KCNIP4: variants seen among roughly 807,000 people sequenced by gnomAD.
The protein encoded by KCNIP4 is potassium voltage-gated channel interacting protein 4.
Under a neutral mutation model 34.0 loss-of-function variants are expected in KCNIP4, and 12 were observed. The ratio of observed to expected loss-of-function variants is 0.35; its 90% CI spans 0.23 to 0.57. The LOEUF is 0.57. Ranked by LOEUF, KCNIP4 falls within the 20% of genes least tolerant of loss-of-function variation. The pLI is 0.83. For missense variants in KCNIP4, 238 were observed against 311.7 expected, an observed-to-expected ratio of 0.76 and a Z score of 1.78; for synonymous variants, 124 against 102.2, an observed-to-expected ratio of 1.21 and a Z score of -1.29.
intron 1 of KCNIP4, among the ~76,000 whole-genome samples, chr4:21,568,830 T>C (rs1272291268): frequency 1.3e-5 from 2 of 152,146 alleles, no homozygotes; most frequent in Non-Finnish European, 1.5e-5. Context: ...TGTGACTGTG[T>C]GAGTCAATTC....
At chr4:21,401,354 C>T (rs1315678011) in intron 1 of KCNIP4, among the ~76,000 whole-genome samples, 1 of 152,126 alleles carries the variant, frequency 6.6e-6, no homozygotes. Flanking sequence ...TAAGGAATGA[C>T]GATTTGTGAA....
intron 1 of KCNIP4, among the ~76,000 whole-genome samples, chr4:20,910,240 A>T (rs952746998): frequency 4.0e-4 from 60 of 151,262 alleles, no homozygotes; most frequent in African/African-American, 1.4e-3. Context: ...TTTTTTTTTT[A>T]AAGAGGGAAG....
At chr4:21,557,379 A>G (rs1025496799) in intron 1 of KCNIP4, among the ~76,000 whole-genome samples, 2 of 152,200 alleles carry the variant, frequency 1.3e-5, no homozygotes, top group African/African-American at 4.8e-5. Context: ...ATTGGAAAAA[A>G]ATAGAAAACT....
chr4:21,884,131 G>T (rs191841589), intron 1 of KCNIP4, among the ~76,000 whole-genome samples: 3 of 152,236 alleles, frequency 2.0e-5, no homozygotes, highest in African/African-American at 7.2e-5. Flanking sequence ...GTTGTAGGAA[G>T]ATATATTTTA....
chr4:20,860,827 A>G (rs1267817151), intron 2 of KCNIP4, among the ~76,000 whole-genome samples: 1 of 152,188 alleles, frequency 6.6e-6, no homozygotes, highest in Non-Finnish European at 1.5e-5. Flanking sequence ...GAGAACTTCT[A>G]GGATAAGGAG....
At chr4:20,825,887 A>T (rs1274442876) in intron 3 of KCNIP4, among the ~76,000 whole-genome samples, 1 of 152,222 alleles carries the variant, frequency 6.6e-6, no homozygotes, top group Non-Finnish European at 1.5e-5. Flanking sequence ...ACACCACGGA[A>T]ACCAAGGGAG....
chr4:21,136,520 GA>G (rs1187221126), intron 1 of KCNIP4, among the ~76,000 whole-genome samples: 1 of 152,198 alleles, frequency 6.6e-6, no homozygotes, highest in East Asian at 1.9e-4. Flanking sequence ...TGAATCTTGA[GA>G]AAACTGATTG....
chr4:21,650,610 C>G (rs1237994860), intron 1 of KCNIP4, among the ~76,000 whole-genome samples: 1 of 152,040 alleles, frequency 6.6e-6, no homozygotes. Flanking sequence ...GATATTAGAC[C>G]TAGTAATAAA....
intron 1 of KCNIP4, among the ~76,000 whole-genome samples, chr4:20,965,661 A>T (rs929867872): frequency 1.3e-5 from 2 of 152,218 alleles, no homozygotes; most frequent in Non-Finnish European, 2.9e-5. Context: ...CATTGGCAAG[A>T]ATAGTTCCTA....
intron 3 of KCNIP4, among the ~76,000 whole-genome samples, chr4:20,788,790 A>C (rs1351875893): frequency 6.6e-6 from 1 of 152,176 alleles, no homozygotes; most frequent in Non-Finnish European, 1.5e-5. Flanking sequence ...GTGAATTCAG[A>C]GCAAACAAAA....
intron 1 of KCNIP4, among the ~76,000 whole-genome samples, chr4:21,264,332 A>G (rs1169819781): frequency 6.6e-6 from 1 of 152,196 alleles, no homozygotes; most frequent in Non-Finnish European, 1.5e-5. Context: ...CAACATCTAG[A>G]TATGCCAAGT....
intron 5 of KCNIP4, 128 bp from the exon 6 acceptor site, chr4:20,734,863 A>G (rs958763483): frequency 7.4e-5 from 37 of 503,258 alleles, no homozygotes; most frequent in Middle Eastern, 1.0e-3. Flanking sequence ...TTGATGTGTT[A>G]TTGGTTGTCT....
intron 1 of KCNIP4, among the ~76,000 whole-genome samples, chr4:21,315,851 G>C (rs139299390): frequency 6.6e-6 from 1 of 152,056 alleles, no homozygotes; most frequent in African/African-American, 2.4e-5. Context: ...ATTTTCAGTG[G>C]TATTTTGCTG....
At chr4:21,855,437 A>G (rs766557903) in intron 1 of KCNIP4, among the ~76,000 whole-genome samples, 8 of 152,232 alleles carry the variant, frequency 5.3e-5, no homozygotes, top group Non-Finnish European at 7.3e-5. Context: ...GTACCAGCGC[A>G]TCCTCTGATT....
chr4:21,777,757 T>C (rs778110231), intron 1 of KCNIP4, among the ~76,000 whole-genome samples: 1 of 152,232 alleles, frequency 6.6e-6, no homozygotes, highest in Non-Finnish European at 1.5e-5. Context: ...ATTAAAAACA[T>C]ACAGCTTTAT....
rs1183337473 is a variant in KCNIP4, at chr4:21,202,773, T to C, written c.62-320064A>G. On this transcript the variant is annotated intron_variant, in intron 1 of 8. Transcript: ENST00000382152. The stretch of plus-strand genomic sequence containing the variant: ...CAATGGATCTCTATACCTCTAGTTA[T>C]AAATCCCATAATGGGCAGGGTAGGT... Among the ~76,000 whole-genome samples the C allele has an allele frequency of 2.6e-5, 4 of 152,296 alleles. No individual in the cohort carries two copies. In the East Asian group the frequency reaches 7.7e-4, roughly 29 times the overall value.
At chr4:21,519,508 G>GTATATACACATATGTGTGTATATGTA (rs1560479810) in intron 1 of KCNIP4, among the ~76,000 whole-genome samples, 17 of 56,834 alleles carry the variant, frequency 3.0e-4, no homozygotes, top group East Asian at 1.4e-3. Flanking sequence ...ATGTGTATGT[G>GTATATACACATATGTGTGTATATGTA]TATATACACA....
chr4:21,309,015 T>C (rs1299651029), intron 1 of KCNIP4, among the ~76,000 whole-genome samples: 4 of 152,104 alleles, frequency 2.6e-5, no homozygotes, highest in Admixed American at 2.6e-4. Context: ...ACCCCTAAAG[T>C]GCAGTTTATT....
intron 1 of KCNIP4, among the ~76,000 whole-genome samples, chr4:21,359,790 T>A (rs1198454911): frequency 1.3e-5 from 2 of 152,060 alleles, no homozygotes; most frequent in Non-Finnish European, 2.9e-5. Context: ...GGCAATCAAA[T>A]TGGTCCTGAG....
Sources: gnomAD v4.1 joint callset for allele counts (sites outside exome capture counted in the v4.1 genomes callset) on GRCh38, gnomAD v4.1.1 for gene constraint, MANE v1.5 for transcripts, NCBI Gene and HGNC (gene_info 2026-07-23, HGNC 2026-07-21) for gene names.